SPEN: variants seen among roughly 807,000 people sequenced by gnomAD.
SPEN encodes the protein msx2-interacting protein.
SPEN carries 18 observed loss-of-function variants against 269.9 expected under a neutral mutation model. That is an observed-to-expected ratio of 0.07 (90% CI 0.05 to 0.10). SPEN has a LOEUF of 0.10. Ranked by LOEUF, SPEN falls within the 10% of genes least tolerant of loss-of-function variation. The pLI, the probability that SPEN is intolerant of heterozygous loss-of-function variation, is 1.00. For synonymous variants in SPEN, 1,726 were observed against 1,765.7 expected (o/e 0.98, Z 0.56); for missense variants, 3,822 against 4,631.2 (o/e 0.83, Z 5.07).
intron 3 of SPEN, among the ~76,000 whole-genome samples, chr1:15,878,465 G>A (rs566773273): frequency 2.6e-5 from 4 of 152,204 alleles, no homozygotes; most frequent in South Asian, 4.1e-4. Context: ...TGAAAGTTAC[G>A]TTCTATGCCC....
rs2071312437 is a variant in SPEN at position 15,939,308 on chromosome 1, C to T, written c.10876C>T (p.Leu3626=). The stretch of plus-strand genomic sequence containing the variant: ...ATCCTGTCTCCAGCCTGCCTACGTG[C>T]TGCAGATCTTCCCGCCCTGTGAGTT... ...NPGSNQPAYV[L]QIFPPCEFSE... Residue 3626 remains leucine (L), a synonymous_variant, in exon 15 of 15, where the codon CTG becomes TTG. Coordinates refer to ENST00000375759, the MANE Select transcript of SPEN (RefSeq NM_015001.3). The surrounding 1 kb of genome is among the most constrained non-coding windows in gnomAD (Gnocchi z 4.1). 3 of 1,593,802 alleles carry T rather than the reference C, an allele frequency of 1.9e-6. No individual in the cohort carries two copies. Among genetic ancestry groups the T allele is most frequent in the African/African-American group, 1.3e-5 (1 of 74,112 alleles).
chr1:15,868,301 C>T (rs2148708709), intron 1 of SPEN, among the ~76,000 whole-genome samples: 1 of 151,864 alleles, frequency 6.6e-6, no homozygotes, highest in South Asian at 2.1e-4. Flanking sequence ...GCCACTGTGT[C>T]CAGTCTCATT....
At chr1:15,895,025 C>A (rs1165910173) in intron 3 of SPEN, among the ~76,000 whole-genome samples, 4 of 152,212 alleles carry the variant, frequency 2.6e-5, no homozygotes, top group South Asian at 2.1e-4. Flanking sequence ...CGGGTTCAAG[C>A]AATTCTCCTG....
chr1:15,926,922 A>T (rs848207), intron 10 of SPEN, among the ~76,000 whole-genome samples: 2 of 151,770 alleles, frequency 1.3e-5, no homozygotes, highest in South Asian at 4.1e-4. Flanking sequence ...TTGATCTCCT[A>T]ACCTCGTGAT....
At chr1:15,904,460 A>AAAAAAAAAAAAAAAAAAC (rs2070935388) in intron 3 of SPEN, among the ~76,000 whole-genome samples, 1 of 118,914 alleles carries the variant, frequency 8.4e-6, no homozygotes, top group Non-Finnish European at 1.8e-5. Flanking sequence ...CTCAAAAAAA[A>AAAAAAAAAAAAAAAAAAC]AAAAAAAAAA....
rs1438006067 is a variant in SPEN, at chr1:15,937,396, G to C, written c.10260G>C (p.Gln3420His). 6.2e-7 allele frequency: 1 copy of C among 1,613,848 alleles called. No homozygotes were observed. Among genetic ancestry groups the C allele is most frequent in the East Asian group, 2.2e-5 (1 of 44,856 alleles). Reference sequence around the variant, plus strand: ...CACCTGAGCCTCACACCCAGGTTCAGAGGGCACAAGCAGAAACAGGCCCGA... The same window carrying C: ...CACCTGAGCCTCACACCCAGGTTCACAGGGCACAAGCAGAAACAGGCCCGA... ...NRPPEPHTQV[Q>H]RAQAETGPTS... is the part of the protein sequence containing the mutation. The change falls in exon 12 of 15, where the codon CAG (glutamine) becomes CAC (histidine). Residue 3420 changes from glutamine (Q) to histidine (H), a missense_variant. Gln to His is a conservative substitution (Grantham distance 24, BLOSUM62 0). Transcript: ENST00000375759. This position sits in a 1 kb window ranked among gnomAD's most constrained non-coding sequence, Gnocchi z 5.7.
rs1437272288 is a variant in SPEN, at chr1:15,939,585, G to A, written c.*158G>A. 1.1e-6 allele frequency: 1 copy of A among 872,862 alleles called. No individual in the cohort carries two copies. The highest frequency in any genetic ancestry group is 1.7e-6 in the Non-Finnish European group (1 of 599,214). 54.1% of individuals were successfully genotyped at this position (872,862 alleles called of 1,614,324 possible). A position where few individuals can be genotyped will look rare whatever the true frequency, so the allele number is the denominator to read the frequency against. ...TCCTGCCGCCCGGCTCAGTCGGCCA[G>A]ACTTCCTCTAGGAGTGGTGCTGCTA... is the stretch of plus-strand genomic sequence containing the variant. On this transcript the variant is annotated 3_prime_UTR_variant, in exon 15 of 15. Transcript: ENST00000375759. This position sits in a 1 kb window ranked among gnomAD's most constrained non-coding sequence, Gnocchi z 4.1.
At chr1:15,856,739 T>G (rs1405884788) in intron 1 of SPEN, among the ~76,000 whole-genome samples, 5 of 151,882 alleles carry the variant, frequency 3.3e-5, no homozygotes, top group Non-Finnish European at 5.9e-5. Flanking sequence ...AGCTAATTTT[T>G]GTGTTTTTAA....
At chr1:15,894,851 C>G (rs1374879319) in intron 3 of SPEN, among the ~76,000 whole-genome samples, 1 of 151,624 alleles carries the variant, frequency 6.6e-6, no homozygotes, top group African/African-American at 2.4e-5. Context: ...ATTTTTAATG[C>G]CAAAGCTTAT....
chr1:15,902,244 C>T (rs561798458), intron 3 of SPEN, among the ~76,000 whole-genome samples: 44 of 152,204 alleles, frequency 2.9e-4, no homozygotes, highest in African/African-American at 9.9e-4. Context: ...ATCTTTTAAA[C>T]GTCTGGTTTA....
At chr1:15,888,568 C>T (rs2070757630) in intron 3 of SPEN, among the ~76,000 whole-genome samples, 1 of 152,044 alleles carries the variant, frequency 6.6e-6, no homozygotes, top group Non-Finnish European at 1.5e-5. Flanking sequence ...AGGTGATCCG[C>T]CCAGCTTTGC....
At chr1:15,908,272 C>T (rs768563695) in intron 3 of SPEN, among the ~76,000 whole-genome samples, 1 of 152,060 alleles carries the variant, frequency 6.6e-6, no homozygotes, top group Non-Finnish European at 1.5e-5. Context: ...CTCTGTTACC[C>T]AGGCTGGTCT....
At chr1:15,859,156 TA>T (rs1553174109) in intron 1 of SPEN, among the ~76,000 whole-genome samples, 1 of 147,990 alleles carries the variant, frequency 6.8e-6, no homozygotes, top group Non-Finnish European at 1.5e-5. Context: ...TTTTTTTTTT[TA>T]ATTAAGAGAT....
At chr1:15,924,117 T>C (rs1487595075) in intron 10 of SPEN, among the ~76,000 whole-genome samples, 1 of 152,196 alleles carries the variant, frequency 6.6e-6, no homozygotes, top group Non-Finnish European at 1.5e-5. Flanking sequence ...TCAGGCTCGA[T>C]AGACTGTTTT....
Position 15,932,882 on chromosome 1 carries a change from G to A in SPEN, c.6642G>A (p.Glu2214=). The change falls in exon 11 of 15, where the codon GAG becomes GAA. Residue 2214 remains glutamate, a synonymous_variant. Coordinates refer to ENST00000375759, the MANE Select transcript of SPEN (RefSeq NM_015001.3). The surrounding 1 kb of genome is among the most constrained non-coding windows in gnomAD (Gnocchi z 4.2). ...DKPAHQASET[E]LAAAIGSIIN... ...CTGCACACCAAGCAAGTGAAACAGA[G>A]CTGGCTGCGGCCATCGGCTCCATCA... The A allele has an allele frequency of 6.2e-7, 1 of 1,614,234 alleles. No homozygotes were observed. Among genetic ancestry groups the A allele is most frequent in the Non-Finnish European group, 8.5e-7 (1 of 1,180,046 alleles).
In SPEN at chr1:15,876,416, G is replaced by C; in HGVS notation, c.619G>C (p.Glu207Gln). ...HDPRYEPRAR[E>Q]QFTLPSVVHR... ...CCCCCGATATGAACCTAGGGCTCGCGAGCAGTTTACACTGCCCAGTGTGGT... is the reference window on the plus strand; with the variant it reads ...CCCCCGATATGAACCTAGGGCTCGCCAGCAGTTTACACTGCCCAGTGTGGT... Residue 207 changes from glutamate to glutamine, a missense_variant, in exon 3 of 15, where the codon GAG becomes CAG. This residue lies in a region of SPEN where 327 missense variants were observed against 350.8 expected (regional missense o/e 0.93). Transcript: ENST00000375759. 6.2e-7 allele frequency: 1 copy of C among 1,613,960 alleles called. No homozygotes were observed. Among genetic ancestry groups the C allele is most frequent in the Non-Finnish European group, 8.5e-7 (1 of 1,180,012 alleles).
rs375319827 is a variant in SPEN, at chr1:15,898,558, CTT to C, written c.882-10749_882-10748del. On this transcript the variant is annotated intron_variant, in intron 3 of 14. Coordinates refer to ENST00000375759, the MANE Select transcript of SPEN (RefSeq NM_015001.3). ...GTCAAAATTTTTTTTTTCTTTTTTT[CTT>C]TTTTTTTTTTTTTGTTTGAGACAGA... Among the ~76,000 whole-genome samples the C allele has an allele frequency of 3.7e-4, 49 of 131,922 alleles. No individual in the cohort carries two copies. The East Asian group carries it at 7.8e-3, about 21-fold the overall frequency. The allele number at this position is 131,922 out of a possible 152,430, so 86.5% of individuals were successfully genotyped here.
chr1:15,863,499 T>C (rs941705169), intron 1 of SPEN, among the ~76,000 whole-genome samples: 8 of 152,138 alleles, frequency 5.3e-5, no homozygotes, highest in African/African-American at 9.7e-5. Context: ...GGTCTTAACA[T>C]TTTCTTAAAG....
intron 1 of SPEN, among the ~76,000 whole-genome samples, chr1:15,865,868 G>A (rs537963274): frequency 1.3e-5 from 2 of 150,564 alleles, no homozygotes; most frequent in South Asian, 4.2e-4. Flanking sequence ...CTATATAGGA[G>A]TTGTAATTTT....
Sources: gnomAD v4.1 joint callset for allele counts (sites outside exome capture counted in the v4.1 genomes callset) on GRCh38, gnomAD v4.1.1 for gene constraint, gnomAD v4.1.1 regional missense constraint, Gnocchi (gnomAD v3.1) non-coding constraint, MANE v1.5 for transcripts, NCBI Gene and HGNC (gene_info 2026-07-23, HGNC 2026-07-21) for gene names.